ABLIM1: variants seen among roughly 807,000 people sequenced by gnomAD.
The protein encoded by ABLIM1 is actin binding LIM protein 1, also known as actin-binding LIM protein 1.
Under a neutral mutation model 107.0 loss-of-function variants are expected in ABLIM1, and 40 were observed. The observed-to-expected ratio is 0.37, with a 90% CI of 0.29 to 0.49. The LOEUF (loss-of-function observed/expected upper bound fraction) is 0.49. ABLIM1 is among the 20% of genes least tolerant of loss of function. ABLIM1 has a pLI of 0.97. For missense variants in ABLIM1, 857 were observed against 1,008.5 expected (o/e 0.85, Z 2.04); for synonymous variants, 357 against 357.3 (o/e 1.00, Z 0.01).
At chr10:114,576,904 T>C (rs779422625) in intron 2 of ABLIM1, among the ~76,000 whole-genome samples, 1 of 152,202 alleles carries the variant, frequency 6.6e-6, no homozygotes, top group Admixed American at 6.5e-5. Flanking sequence ...TCATATTATC[T>C]GGAAAACAGC....
chr10:114,441,795 G>A lies in ABLIM1; in HGVS notation c.1934-9C>T, dbSNP rs763142215. 1 of 1,612,240 alleles carries A rather than the reference G, an allele frequency of 6.2e-7. No individual in the cohort carries two copies. The highest frequency in any genetic ancestry group is 8.5e-7 in the Non-Finnish European group (1 of 1,178,638). ...TGATGGAATATGTGAAGCTGAGTAA[G>A]AAAAAAGTAAAAAACCAATTGTTAG... On this transcript the variant is annotated splice_polypyrimidine_tract_variant and intron_variant, in intron 17 of 22. Transcript: ENST00000533213.
the ABLIM1 span, among the ~76,000 whole-genome samples, chr10:114,777,430 G>A: frequency 2.6e-5 from 4 of 152,058 alleles, no homozygotes; most frequent in East Asian, 7.7e-4. Context: ...TGCTCATATT[G>A]TCTGCTTTTT....
chr10:114,604,590 A>T lies in ABLIM1; in HGVS notation c.245-2629T>A, dbSNP rs568251500. On this transcript the variant is annotated intron_variant, in intron 1 of 22. Coordinates refer to ENST00000533213, the MANE Select transcript of ABLIM1 (RefSeq NM_002313.7). ...GGAGTCAGGCATCTACCTTTTTAGT[A>T]AACTACTCAAGTGATTCTTACGCAT... 9.2e-5 allele frequency among the ~76,000 whole-genome samples: 14 copies of T among 152,340 alleles called. No homozygotes were observed. The South Asian group carries it at 2.9e-3, about 32-fold the overall frequency.
At chr10:114,559,438 C>CA (rs72456292) in intron 4 of ABLIM1, among the ~76,000 whole-genome samples, 941 of 49,270 alleles carry the variant, frequency 0.019, 44 homozygotes, top group South Asian at 0.045. Context: ...ACTCGTCTCT[C>CA]AAAAAAAAAA....
chr10:114,563,927 C>T (rs2497741), intron 4 of ABLIM1, among the ~76,000 whole-genome samples: 46,220 of 137,842 alleles, frequency 0.34, 9,934 homozygotes, highest in African/African-American at 0.61. Flanking sequence ...GTTTGTTGAA[C>T]GAGTGAATGG....
chr10:114,600,545 G>A (rs968752845), intron 2 of ABLIM1, among the ~76,000 whole-genome samples: 1 of 152,142 alleles, frequency 6.6e-6, no homozygotes, highest in African/African-American at 2.4e-5. Flanking sequence ...TCACTAGGAA[G>A]ACTGGAACCT....
At chr10:114,662,331 C>T (rs1307358098), upstream of ABLIM1, among the ~76,000 whole-genome samples, 1 of 152,162 alleles carries the variant, frequency 6.6e-6, no homozygotes, top group Non-Finnish European at 1.5e-5. Context: ...ATGATCTTTG[C>T]TGCTAAACAG....
intron 14 of ABLIM1, among the ~76,000 whole-genome samples, chr10:114,448,604 T>TTTATTATTA (rs60805531): frequency 0.074 from 11,037 of 149,740 alleles, 612 homozygotes; most frequent in African/African-American, 0.15. Flanking sequence ...AGATCATTCT[T>TTTATTATTA]TTATTATTAT....
intron 1 of ABLIM1, among the ~76,000 whole-genome samples, chr10:114,706,775 G>A (rs1378537913): frequency 3.3e-5 from 5 of 152,120 alleles, no homozygotes. Flanking sequence ...CCCCCAAGGG[G>A]TTTCATAATC....
At chr10:114,622,152 A>G (rs1057083704) in intron 1 of ABLIM1, among the ~76,000 whole-genome samples, 7 of 152,108 alleles carry the variant, frequency 4.6e-5, no homozygotes, top group Admixed American at 2.0e-4. Context: ...TCATTTTTCC[A>G]GGAAGGGAGT....
chr10:114,472,287 A>C (rs1184715470), intron 10 of ABLIM1, among the ~76,000 whole-genome samples: 1 of 152,060 alleles, frequency 6.6e-6, no homozygotes, highest in East Asian at 1.9e-4. Flanking sequence ...ATGAGGTCTC[A>C]ACTATGTTGT....
upstream of ABLIM1, among the ~76,000 whole-genome samples, chr10:114,768,861 A>G (rs2082968054): frequency 6.6e-6 from 1 of 152,062 alleles, no homozygotes; most frequent in South Asian, 2.1e-4. Context: ...CTTTTTCTAT[A>G]TGTCAGGATA....
At chr10:114,591,609 C>T (rs541972454) in intron 2 of ABLIM1, among the ~76,000 whole-genome samples, 55 of 152,140 alleles carry the variant, frequency 3.6e-4, no homozygotes, top group Non-Finnish European at 5.1e-4. Flanking sequence ...AAAAATGCTG[C>T]GTCTGGGAAC....
At chr10:114,693,478 T>A (rs2081127939) in intron 1 of ABLIM1, among the ~76,000 whole-genome samples, 1 of 152,188 alleles carries the variant, frequency 6.6e-6, no homozygotes. Flanking sequence ...TCTCTCCAGA[T>A]CGCCAAGTAC....
At chr10:114,483,506 G>A (rs1201846344) in intron 8 of ABLIM1, among the ~76,000 whole-genome samples, 3 of 152,022 alleles carry the variant, frequency 2.0e-5, no homozygotes. Context: ...CAAACTCCTG[G>A]GCTCTAGTGA....
intron 6 of ABLIM1, among the ~76,000 whole-genome samples, chr10:114,511,209 C>CA (rs1188316327): frequency 2.0e-5 from 3 of 151,982 alleles, no homozygotes; most frequent in Non-Finnish European, 2.9e-5. Flanking sequence ...AACTAGTATA[C>CA]AAAAAATGTA....
chr10:114,624,227 G>A (rs181218677), intron 1 of ABLIM1, among the ~76,000 whole-genome samples: 11 of 152,172 alleles, frequency 7.2e-5, no homozygotes, highest in African/African-American at 2.7e-4. Flanking sequence ...GCTCTTTAAT[G>A]CTGGCTCAGG....
At chr10:114,436,818 G>C (rs983052137) in intron 22 of ABLIM1, among the ~76,000 whole-genome samples, 5 of 152,066 alleles carry the variant, frequency 3.3e-5, no homozygotes, top group Admixed American at 3.3e-4. Flanking sequence ...GTTCTACTGA[G>C]AAGACTTCCC....
intron 1 of ABLIM1, among the ~76,000 whole-genome samples, chr10:114,613,985 T>C (rs2076974482): frequency 6.6e-6 from 1 of 152,142 alleles, no homozygotes; most frequent in Non-Finnish European, 1.5e-5. Context: ...GAATGGCCTC[T>C]GCTTGAGTGG....
Sources: gnomAD v4.1 joint callset for allele counts (sites outside exome capture counted in the v4.1 genomes callset) on GRCh38, gnomAD v4.1.1 for gene constraint, MANE v1.5 for transcripts, NCBI Gene and HGNC (gene_info 2026-07-23, HGNC 2026-07-21) for gene names.